CELSR3: variants seen among roughly 807,000 people sequenced by gnomAD.
CELSR3 encodes the protein EGF-like protein 1.
CELSR3 carries 73 observed loss-of-function variants against 270.0 expected under a neutral mutation model. The observed-to-expected ratio is 0.27, with a 90% CI of 0.22 to 0.33. The LOEUF (loss-of-function observed/expected upper bound fraction) is 0.33, where lower values mean the gene tolerates loss of function less well. CELSR3 is among the 10% of genes least tolerant of loss of function. The probability of loss-of-function intolerance (pLI) is 1.00; values close to 1 mark genes in which losing one functional copy is unlikely to be tolerated. For synonymous variants in CELSR3, 1,780 were observed against 1,905.4 expected (o/e 0.93, Z 1.71); for missense variants, 3,614 against 4,533.8 (o/e 0.80, Z 5.83).
Position 48,655,634 on chromosome 3 carries a change from G to T in CELSR3, c.4741+102C>A, listed in dbSNP as rs1428668546. 2 of 1,038,228 alleles carry T rather than the reference G, an allele frequency of 1.9e-6. No individual in the cohort carries two copies. The highest frequency in any genetic ancestry group is 3.0e-6 in the Non-Finnish European group (2 of 664,024). 64.3% of individuals were successfully genotyped at this position (1,038,228 alleles called of 1,614,324 possible). On this transcript the variant is annotated intron_variant, in intron 4 of 34. Coordinates refer to ENST00000164024, the MANE Select transcript of CELSR3 (RefSeq NM_001407.3). The surrounding 1 kb of genome is among the most constrained non-coding windows in gnomAD (Gnocchi z 5.8). The stretch of plus-strand genomic sequence containing the variant: ...AGGTCTTCAGGGCTTGCATGGCGTG[G>T]AGTGTGTGCTCAGGTGCACAGTGAA...
In CELSR3 at chr3:48,641,908, A is replaced by G. The variant is rs754466127; in HGVS notation, c.8767T>C (p.Phe2923Leu). ...SEDNGRTRGR[F>L]QRPLCRAAQS... ...GCTGCTCGGCAGAGTGGCCGTTGGA[A>G]GCGCCCCCGCGTCCGGCCATTGTCC... The change falls in exon 32 of 35, where the codon TTC becomes CTC. Residue 2923 changes from phenylalanine (F) to leucine (L), a missense_variant. By Grantham distance (22) the Phe-to-Leu change is conservative (BLOSUM62 0). Around this residue, in one of 7 missense-constraint regions of CELSR3, gnomAD observed 1,240 missense variants for 1,351.7 expected, o/e 0.92. Coordinates refer to ENST00000164024, the MANE Select transcript of CELSR3 (RefSeq NM_001407.3). The surrounding 1 kb of genome is among the most constrained non-coding windows in gnomAD (Gnocchi z 4.8). The G allele has an allele frequency of 6.3e-6, 10 of 1,587,740 alleles. No individual in the cohort carries two copies. In the South Asian group the frequency reaches 1.1e-4, roughly 18 times the overall value.
chr3:48,649,222 G>T lies in CELSR3; in HGVS notation c.6473-7C>A. 6.2e-7 allele frequency: 1 copy of T among 1,606,076 alleles called. No individual in the cohort carries two copies. The highest frequency in any genetic ancestry group is 2.2e-5 in the East Asian group (1 of 44,692). ...CACAGCCGCACAGCAGCACCTGGAG[G>T]CAGGCAACCCCTGGTCAGGCCTGGG... On this transcript the variant is annotated splice_polypyrimidine_tract_variant and splice_region_variant and intron_variant, in intron 16 of 34. Coordinates refer to ENST00000164024, the MANE Select transcript of CELSR3 (RefSeq NM_001407.3).
Position 48,642,272 on chromosome 3 carries a change from C to G in CELSR3, c.8665+86G>C, listed in dbSNP as rs1403662639. Reference sequence around the variant, plus strand: ...GGGGAGATCGTCCCACCCCAGTCAGCCACTGCTCCCAGTATGGGGTAGAAG... The same window carrying G: ...GGGGAGATCGTCCCACCCCAGTCAGGCACTGCTCCCAGTATGGGGTAGAAG... On this transcript the variant is annotated intron_variant, in intron 31 of 34. Transcript: ENST00000164024. The surrounding 1 kb of genome is among the most constrained non-coding windows in gnomAD (Gnocchi z 6.1). The G allele has an allele frequency of 1.4e-6, 2 of 1,399,322 alleles. No homozygotes were observed. The highest frequency in any genetic ancestry group is 1.9e-6 in the Non-Finnish European group (2 of 1,030,118). The allele number at this position is 1,399,322 out of a possible 1,614,324, so 86.7% of individuals were successfully genotyped here. A position where few individuals can be genotyped will look rare whatever the true frequency, so the allele number is the denominator to read the frequency against.
chr3:48,648,406 G>A lies in CELSR3; in HGVS notation c.6833C>T (p.Ala2278Val), dbSNP rs768441867. The A allele has an allele frequency of 2.0e-5, 32 of 1,605,634 alleles. No individual in the cohort carries two copies. The highest frequency in any genetic ancestry group is 1.4e-4 in the South Asian group (13 of 90,278). ...CCCAGGGGCCCGCTGCCCCAGCGCC[G>A]CCCACAAGTCCCCTGTCTCTGGGGC... is the stretch of plus-strand genomic sequence containing the variant. ...LLAPETGDLW[A>V]ALGQRAPGGS... Residue 2278 changes from alanine to valine, a missense_variant, in exon 19 of 35, where the codon GCG becomes GTG. By Grantham distance (64) the Ala-to-Val change is moderately conservative. Coordinates refer to ENST00000164024, the MANE Select transcript of CELSR3 (RefSeq NM_001407.3).
chr3:48,639,695 G>A lies in CELSR3; in HGVS notation c.9890C>T (p.Ser3297Leu), dbSNP rs746402820. The change falls in exon 34 of 35, where the codon TCG (serine) becomes TTG (leucine). Residue 3297 changes from serine (S) to leucine (L), a missense_variant. By Grantham distance (145) the Ser-to-Leu change is moderately radical. Around this residue, in one of 7 missense-constraint regions of CELSR3, gnomAD observed 1,240 missense variants for 1,351.7 expected, o/e 0.92. Coordinates refer to ENST00000164024, the MANE Select transcript of CELSR3 (RefSeq NM_001407.3). This position sits in a 1 kb window ranked among gnomAD's most constrained non-coding sequence, Gnocchi z 4.1. The part of the protein sequence containing the change: ...TPRSATSHSI[S>L]ELSPDSEVPR... The stretch of plus-strand genomic sequence containing the variant: ...TTACTCTGAGTCTGGCGACAGCTCC[G>A]AGATGCTGTGAGACGTGGCAGAACG... 1.8e-5 allele frequency: 29 copies of A among 1,613,480 alleles called. No homozygotes were observed. Among genetic ancestry groups the A allele is most frequent in the East Asian group, 2.2e-5 (1 of 44,894 alleles).
Position 48,650,575 on chromosome 3 carries a change from T to C in CELSR3, c.6377A>G (p.Tyr2126Cys). ...EVTASGCRVL[Y>C]DACPKSLRSG... Reference sequence around the variant, plus strand: ...TCTCAGGGACTTAGGGCAGGCATCATAGAGCACTAGAGAGAGAAGAGGTGC... The same window carrying C: ...TCTCAGGGACTTAGGGCAGGCATCACAGAGCACTAGAGAGAGAAGAGGTGC... The change falls in exon 16 of 35, where the codon TAT becomes TGT. Residue 2126 changes from tyrosine (Y) to cysteine (C), a missense_variant. Physicochemically the swap from Tyr to Cys is radical, Grantham distance 194. Coordinates refer to ENST00000164024, the MANE Select transcript of CELSR3 (RefSeq NM_001407.3). This position sits in a 1 kb window ranked among gnomAD's most constrained non-coding sequence, Gnocchi z 5.1. 6.3e-7 allele frequency: 1 copy of C among 1,598,928 alleles called. No individual in the cohort carries two copies.
chr3:48,640,839 G>A lies in CELSR3; in HGVS notation c.9026-280C>T, dbSNP rs1012290828. On this transcript the variant is annotated intron_variant, in intron 33 of 34. Coordinates refer to ENST00000164024, the MANE Select transcript of CELSR3 (RefSeq NM_001407.3). This position sits in a 1 kb window ranked among gnomAD's most constrained non-coding sequence, Gnocchi z 7.5. ...GGATGGGGCAAACTCCCTGAGGTCA[G>A]AAGAGGGGCAGCCCTCAGGTCCTGA... 1 of 524,660 alleles carries A rather than the reference G, an allele frequency of 1.9e-6. No individual in the cohort carries two copies. Among genetic ancestry groups the A allele is most frequent in the Non-Finnish European group, 3.4e-6 (1 of 297,078 alleles). 32.5% of individuals were successfully genotyped at this position (524,660 alleles called of 1,614,324 possible).
At position 48,659,035 on chromosome 3, in the gene CELSR3, G is replaced by C. The variant is rs765055778; in HGVS notation, c.3600C>G (p.Pro1200=). The change falls in exon 1 of 35, where the codon CCC becomes CCG. Residue 1200 remains proline, a synonymous_variant. Coordinates refer to ENST00000164024, the MANE Select transcript of CELSR3 (RefSeq NM_001407.3). This position sits in a 1 kb window ranked among gnomAD's most constrained non-coding sequence, Gnocchi z 8.1. ...GIIGRIPAYD[P]DVSDHLFYSF... The stretch of plus-strand genomic sequence containing the variant: ...AGTAGAAGAGGTGGTCGGAGACATC[G>C]GGGTCATAAGCTGGGATGCGCCCAA... 3.1e-6 allele frequency: 5 copies of C among 1,613,794 alleles called. No homozygotes were observed. The South Asian group carries it at 5.5e-5, about 18-fold the overall frequency.
At position 48,659,257 on chromosome 3, in the gene CELSR3, T is replaced by A; in HGVS notation, c.3378A>T (p.Ala1126=). The change falls in exon 1 of 35, where the codon GCA becomes GCT. Residue 1126 remains alanine (A), a synonymous_variant. Coordinates refer to ENST00000164024, the MANE Select transcript of CELSR3 (RefSeq NM_001407.3). This position sits in a 1 kb window ranked among gnomAD's most constrained non-coding sequence, Gnocchi z 8.1. ...QMDIFSGELT[A]LIDLDYEARQ... is the part of the protein sequence containing the mutation. ...GAGCCTCATAGTCTAGGTCAATGAG[T>A]GCCGTCAGTTCTCCAGAGAAGATGT... is the stretch of plus-strand genomic sequence containing the variant. 6.2e-7 allele frequency: 1 copy of A among 1,614,082 alleles called. No individual in the cohort carries two copies.
rs775249241 is a variant in CELSR3 at position 48,642,096 on chromosome 3, G to A, written c.8666-87C>T. 1.2e-5 allele frequency: 16 copies of A among 1,312,708 alleles called. No homozygotes were observed. In the East Asian group the frequency reaches 2.7e-4, roughly 22 times the overall value. The allele number at this position is 1,312,708 out of a possible 1,614,324, so 81.3% of individuals were successfully genotyped here. ...GAGTTGAGGGTCTAGAGGTGGGTAC[G>A]GCAAGGGGGTTAGGGTTGGGGACAG... On this transcript the variant is annotated intron_variant, in intron 31 of 34. Coordinates refer to ENST00000164024, the MANE Select transcript of CELSR3 (RefSeq NM_001407.3). This position sits in a 1 kb window ranked among gnomAD's most constrained non-coding sequence, Gnocchi z 6.1.
intron 18 of CELSR3, 94 bp from the exon 19 acceptor site, chr3:48,648,555 G>A: frequency 7.1e-7 from 1 of 1,403,700 alleles, no homozygotes; most frequent in South Asian, 1.4e-5. Flanking sequence ...GTGCTCAGAG[G>A]GGCTCCAACA....
At position 48,649,289 on chromosome 3, in the gene CELSR3, C is replaced by T. The variant is rs112026251; in HGVS notation, c.6473-74G>A. 1,830 of 1,196,030 alleles carry T rather than the reference C, an allele frequency of 1.5e-3. 6 individuals are homozygous for T. The highest frequency in any genetic ancestry group is 0.011 in the African/African-American group (748 of 66,282). 74.1% of individuals were successfully genotyped at this position (1,196,030 alleles called of 1,614,324 possible). ...TGAGGAGATAACCGCAGCACCCTCT[C>T]CTATGCTGGGGGAATCCCTGAGGCA... is the stretch of plus-strand genomic sequence containing the variant. On this transcript the variant is annotated intron_variant, in intron 16 of 34. Transcript: ENST00000164024.
In CELSR3 at chr3:48,645,215, G is replaced by C; in HGVS notation, c.7798-6C>G. 6.4e-7 allele frequency: 1 copy of C among 1,565,672 alleles called. No homozygotes were observed. Among genetic ancestry groups the C allele is most frequent in the Non-Finnish European group, 8.7e-7 (1 of 1,149,418 alleles). ...GCGACTGCAGTGCACACCAGCTGAGGGCAGGGGGGCGTGTCAGGACCTCTC... is the reference window on the plus strand; with the variant it reads ...GCGACTGCAGTGCACACCAGCTGAGCGCAGGGGGGCGTGTCAGGACCTCTC... On this transcript the variant is annotated splice_region_variant and splice_polypyrimidine_tract_variant and intron_variant, in intron 24 of 34. Coordinates refer to ENST00000164024, the MANE Select transcript of CELSR3 (RefSeq NM_001407.3). The surrounding 1 kb of genome is among the most constrained non-coding windows in gnomAD (Gnocchi z 5.4).
rs75478902 is a variant in CELSR3 at position 48,648,366 on chromosome 3, G to A, written c.6873C>T (p.Ser2291=). The A allele has an allele frequency of 1.3e-3, 2,069 of 1,612,040 alleles. 26 individuals carry two copies. The African/African-American group carries it at 0.024, about 19-fold the overall frequency. The change falls in exon 19 of 35, where the codon AGC becomes AGT. Residue 2291 remains serine (S), a synonymous_variant. Coordinates refer to ENST00000164024, the MANE Select transcript of CELSR3 (RefSeq NM_001407.3). ...CCTCCAGGTGCCTCACCAGTCCCGC[G>A]CTGCCTGGGGAGCCCCCAGGGGCCC... is the stretch of plus-strand genomic sequence containing the variant. ...GQRAPGGSPG[S]AGLVRHLEEY...
rs1044170496 is a variant in CELSR3 at position 48,643,607 on chromosome 3, T to G, written c.8236A>C (p.Asn2746His). Residue 2746 changes from asparagine (N) to histidine (H), a missense_variant, in exon 28 of 35, where the codon AAC becomes CAC. Transcript: ENST00000164024. The stretch of plus-strand genomic sequence containing the variant: ...TAGTGGAAGGCTAGGATGCTGTGGT[T>G]GACTGCCAGGAGCCCAAAGAGCCAG... ...ASWLFGLLAV[N>H]HSILAFHYLH... 1.1e-5 allele frequency: 17 copies of G among 1,550,948 alleles called. No individual in the cohort carries two copies. The Admixed American group carries it at 1.6e-4, about 14-fold the overall frequency.
In CELSR3 at chr3:48,655,785, G is replaced by A. The variant is rs767434253; in HGVS notation, c.4692C>T (p.Phe1564=). 7 of 1,573,396 alleles carry A rather than the reference G, an allele frequency of 4.4e-6. No individual in the cohort carries two copies. The highest frequency in any genetic ancestry group is 2.2e-5 in the South Asian group (2 of 90,458). The stretch of plus-strand genomic sequence containing the variant: ...GGCCAGCCACGAGTTCCAGGGCCAG[G>A]AAGTCGTGCTTCTCGTTCAGGCGCC... ...YNGRLNEKHD[F]LALELVAGQV... The change falls in exon 4 of 35, where the codon TTC becomes TTT. Residue 1564 remains phenylalanine (F), a synonymous_variant. Transcript: ENST00000164024. This position sits in a 1 kb window ranked among gnomAD's most constrained non-coding sequence, Gnocchi z 5.8.
intron 16 of CELSR3, among the ~76,000 whole-genome samples, chr3:48,649,546 G>A (rs939727323): frequency 3.9e-5 from 6 of 152,194 alleles, no homozygotes; most frequent in Non-Finnish European, 7.3e-5. Flanking sequence ...ATTACACACA[G>A]ATGTATGGAC....
At position 48,661,471 on chromosome 3, in the gene CELSR3, C is replaced by T. The variant is rs145270816; in HGVS notation, c.1164G>A (p.Ala388=). The change falls in exon 1 of 35, where the codon GCG becomes GCA. Residue 388 remains alanine, a synonymous_variant. Transcript: ENST00000164024. ...CCATGCTCTCGCGGTCCAGAGCTGC[C>T]GCCGTACGGATAAGGCCGCTCTGCG... is the stretch of plus-strand genomic sequence containing the variant. ...IDPQSGLIRT[A]AALDRESMER... The T allele has an allele frequency of 2.5e-6, 4 of 1,607,380 alleles. No individual in the cohort carries two copies. In the African/African-American group the frequency reaches 5.3e-5, roughly 21 times the overall value.
chr3:48,649,379 C>A (rs1166866940), intron 16 of CELSR3, among the ~76,000 whole-genome samples, 164 bp from the exon 17 acceptor site: 2 of 152,178 alleles, frequency 1.3e-5, no homozygotes, highest in Admixed American at 6.5e-5. Context: ...CCAGGTAGGC[C>A]CCAGCTGCTT....
Sources: allele counts gnomAD v4.1 joint callset (sites outside exome capture counted in the v4.1 genomes callset), GRCh38; gene constraint gnomAD v4.1.1; regional missense constraint gnomAD v4.1.1; non-coding constraint Gnocchi (gnomAD v3.1); transcripts MANE v1.5; gene names NCBI Gene and HGNC (gene_info 2026-07-23, HGNC 2026-07-21).